ZMYND8: variants seen among roughly 807,000 people sequenced by gnomAD.
ZMYND8 encodes MYND-type zinc finger-containing chromatin reader ZMYND8.
ZMYND8 carries 37 observed loss-of-function variants against 140.8 expected under a neutral mutation model. The observed-to-expected ratio is 0.26, with a 90% CI of 0.20 to 0.35. The LOEUF (loss-of-function observed/expected upper bound fraction) is 0.35, where lower values mean the gene tolerates loss of function less well. ZMYND8 is among the 10% of genes least tolerant of loss of function. The pLI is 1.00. For missense variants in ZMYND8, 1,068 were observed against 1,570.0 expected (o/e 0.68, Z 5.40); for synonymous variants, 592 against 597.1 (o/e 0.99, Z 0.12).
chr20:47,223,549 G>A (rs2037290098), intron 19 of ZMYND8, among the ~76,000 whole-genome samples: 1 of 151,014 alleles, frequency 6.6e-6, no homozygotes, highest in African/African-American at 2.4e-5. Context: ...TTGATGCCAG[G>A]CGCTGTGGCT....
intron 4 of ZMYND8, among the ~76,000 whole-genome samples, chr20:47,297,205 G>C (rs888380732): frequency 6.6e-6 from 1 of 152,132 alleles, no homozygotes; most frequent in African/African-American, 2.4e-5. Flanking sequence ...GCCGCCTTTT[G>C]CCATTTTAGA....
chr20:47,346,424 GC>G (rs1190392500), intron 2 of ZMYND8, among the ~76,000 whole-genome samples: 1 of 152,114 alleles, frequency 6.6e-6, no homozygotes, highest in African/African-American at 2.4e-5. Context: ...GGGGGCAGCA[GC>G]CCTCTGCCTC....
chr20:47,353,896 A>G (rs2082999536), intron 1 of ZMYND8: 1 of 152,092 alleles, frequency 6.6e-6, no homozygotes, highest in Non-Finnish European at 1.5e-5. Flanking sequence ...AAAAGGAACA[A>G]AGATGGTAGA....
chr20:47,236,687 A>G (rs748975540), intron 15 of ZMYND8, among the ~76,000 whole-genome samples, 171 bp from the exon 16 acceptor site: 2 of 152,178 alleles, frequency 1.3e-5, no homozygotes, highest in African/African-American at 4.8e-5. Context: ...CTAGGCCCTA[A>G]CCTTGGCCTG....
In ZMYND8 at chr20:47,294,644, C is replaced by G. The variant is rs1001952749; in HGVS notation, c.567+22G>C. ...GTCATTACGTTCATTTACGCGTATACCAAGAGGAACTTTCTTCTTACCCCT... is the reference window on the plus strand; with the variant it reads ...GTCATTACGTTCATTTACGCGTATAGCAAGAGGAACTTTCTTCTTACCCCT... On this transcript the variant is annotated intron_variant, in intron 5 of 22. Transcript: ENST00000471951. The G allele has an allele frequency of 1.9e-6, 3 of 1,602,474 alleles. No homozygotes were observed. In the African/African-American group the frequency reaches 4.0e-5, roughly 21 times the overall value.
At chr20:47,323,468 C>T (rs2080143894) in intron 2 of ZMYND8, among the ~76,000 whole-genome samples, 1 of 152,084 alleles carries the variant, frequency 6.6e-6, no homozygotes, top group African/African-American at 2.4e-5. Context: ...TCAAGTGATC[C>T]TCCCACCTCA....
At chr20:47,220,898 G>C (rs543497123) in intron 20 of ZMYND8, among the ~76,000 whole-genome samples, 1 of 152,088 alleles carries the variant, frequency 6.6e-6, no homozygotes, top group South Asian at 2.1e-4. Context: ...GGCCCAATAG[G>C]GCAGCCACTA....
At chr20:47,343,098 C>A (rs1012433267) in intron 2 of ZMYND8, among the ~76,000 whole-genome samples, 1 of 152,030 alleles carries the variant, frequency 6.6e-6, no homozygotes, top group Non-Finnish European at 1.5e-5. Flanking sequence ...CTGGGCAACA[C>A]AGCGAGACTC....
intron 2 of ZMYND8, among the ~76,000 whole-genome samples, chr20:47,340,820 A>T (rs1404816337): frequency 6.6e-6 from 1 of 152,012 alleles, no homozygotes; most frequent in Admixed American, 6.6e-5. Context: ...AAAAAAAAAA[A>T]ATACAGCAGC....
chr20:47,294,460 A>G (rs561660047), intron 5 of ZMYND8, among the ~76,000 whole-genome samples: 2 of 151,952 alleles, frequency 1.3e-5, no homozygotes, highest in African/African-American at 4.8e-5. Flanking sequence ...TACCAATTAA[A>G]CTCCTCTGGG....
Position 47,210,707 on chromosome 20 carries a change from T to C in ZMYND8, c.*54A>G. 1 of 1,613,796 alleles carries C rather than the reference T, an allele frequency of 6.2e-7. No individual in the cohort carries two copies. Among genetic ancestry groups the C allele is most frequent in the East Asian group, 2.2e-5 (1 of 44,866 alleles). On this transcript the variant is annotated 3_prime_UTR_variant, in exon 23 of 23. Transcript: ENST00000471951. ...CTGCCTTTGTTGTTTCTTCTTTTCC[T>C]GGCGTCTGGGTTTTTCTCCCAATGG... is the stretch of plus-strand genomic sequence containing the variant.
chr20:47,210,820 T>G lies in ZMYND8; in HGVS notation c.3646A>C (p.Ser1216Arg). The change falls in exon 23 of 23, where the codon AGT becomes CGT. Residue 1216 changes from serine (S) to arginine (R), a missense_variant. By Grantham distance (110) the Ser-to-Arg change is moderately radical. Around this residue, in one of 10 missense-constraint regions of ZMYND8, gnomAD observed 180 missense variants for 187.8 expected, o/e 0.96. Transcript: ENST00000471951. ...GGGAGGAGGCTCTTCGTGCTGGTAC[T>G]GGTGTTGTGATCGGAACGTGTCGAT... ...RGSTRSDHNT[S>R]TSTKSLLPKE... is the part of the protein sequence containing the mutation. The G allele has an allele frequency of 6.2e-7, 1 of 1,614,174 alleles. No homozygotes were observed. The highest frequency in any genetic ancestry group is 8.5e-7 in the Non-Finnish European group (1 of 1,180,034).
At chr20:47,300,800 C>T (rs1174949918) in intron 3 of ZMYND8, among the ~76,000 whole-genome samples, 2 of 151,944 alleles carry the variant, frequency 1.3e-5, no homozygotes, top group Admixed American at 6.6e-5. Context: ...CTGCAACCTC[C>T]ACCTCTGAGG....
At chr20:47,309,612 A>T (rs910800723) in intron 3 of ZMYND8, among the ~76,000 whole-genome samples, 14 of 151,890 alleles carry the variant, frequency 9.2e-5, no homozygotes, top group Admixed American at 2.6e-4. Context: ...CAGCCTCTAA[A>T]CCCTTCATTT....
chr20:47,277,348 T>C (rs1453882972), intron 10 of ZMYND8, among the ~76,000 whole-genome samples: 1 of 152,246 alleles, frequency 6.6e-6, no homozygotes, highest in African/African-American at 2.4e-5. Context: ...TCCATCTTCC[T>C]AACATCCATA....
At chr20:47,215,618 CCT>C (rs1372086457) in intron 21 of ZMYND8, among the ~76,000 whole-genome samples, 3 of 152,046 alleles carry the variant, frequency 2.0e-5, no homozygotes, top group Non-Finnish European at 4.4e-5. Flanking sequence ...AAGTAACCCC[CCT>C]GACTCAGCCT....
intron 21 of ZMYND8, among the ~76,000 whole-genome samples, chr20:47,216,439 G>A (rs1250953521): frequency 1.5e-5 from 2 of 133,052 alleles, no homozygotes; most frequent in South Asian, 4.9e-4. Flanking sequence ...AGGTTGTAGT[G>A]AGCCAAGATC....
intron 14 of ZMYND8, among the ~76,000 whole-genome samples, chr20:47,243,702 T>C (rs1436865012): frequency 2.0e-5 from 3 of 152,224 alleles, no homozygotes; most frequent in African/African-American, 7.2e-5. Context: ...TTATGTATCC[T>C]TGTCAATCTG....
chr20:47,222,473 T>C (rs1384481814), intron 19 of ZMYND8, among the ~76,000 whole-genome samples: 4 of 152,082 alleles, frequency 2.6e-5, no homozygotes, highest in Non-Finnish European at 4.4e-5. Context: ...GAGGCGGAGC[T>C]TGCAGTGAGC....
Sources: allele counts gnomAD v4.1 joint callset (sites outside exome capture counted in the v4.1 genomes callset), GRCh38; gene constraint gnomAD v4.1.1; regional missense constraint gnomAD v4.1.1; transcripts MANE v1.5; gene names NCBI Gene and HGNC (gene_info 2026-07-23, HGNC 2026-07-21).